IL19: variants seen among roughly 807,000 people sequenced by gnomAD.
IL19 encodes the protein interleukin 19, also known as interleukin-19.
A neutral mutation model predicts 19.5 loss-of-function variants in IL19; 15 were observed. The observed-to-expected ratio is 0.77, with a 90% CI of 0.52 to 1.19. The LOEUF is 1.19. IL19 is among the 50% of genes most tolerant of loss of function. The pLI, the probability that IL19 is intolerant of heterozygous loss-of-function variation, is 0.00. For missense variants in IL19, 199 were observed against 213.1 expected, an observed-to-expected ratio of 0.93 and a Z score of 0.41; for synonymous variants, 78 against 78.3, an observed-to-expected ratio of 1.00 and a Z score of 0.02.
At chr1:206,837,440 T>C (rs958711190) in intron 4 of IL19, among the ~76,000 whole-genome samples, 12 of 151,956 alleles carry the variant, frequency 7.9e-5, no homozygotes, top group Non-Finnish European at 1.8e-4. Flanking sequence ...GACATAGAGG[T>C]GACCAGGTTT....
chr1:206,778,084 G>A (rs1329098754), intron 1 of IL19, among the ~76,000 whole-genome samples: 1 of 152,210 alleles, frequency 6.6e-6, no homozygotes, highest in African/African-American at 2.4e-5. Flanking sequence ...AGAGGAGCCC[G>A]GGCTGGGGCT....
intron 1 of IL19, 76 bp downstream of exon 1, chr1:206,771,154 C>A: frequency 2.8e-6 from 4 of 1,410,790 alleles, no homozygotes; most frequent in Non-Finnish European, 3.0e-6. Context: ...TTGGTTCTAG[C>A]GATCCTCCTT....
In IL19 at chr1:206,812,927, A is replaced by C. The variant is rs191121877; in HGVS notation, c.-3+13921A>C. Among the ~76,000 whole-genome samples the C allele has an allele frequency of 1.4e-4, 22 of 152,308 alleles. No homozygotes were observed. The East Asian group carries it at 4.0e-3, about 28-fold the overall frequency. ...CATATTCAGATGGGACTGTGACTGA[A>C]TTTGAGAAGTAATTCAAACGGATAC... On this transcript the variant is annotated intron_variant, in intron 2 of 6. Transcript: ENST00000659997.
intron 1 of IL19, among the ~76,000 whole-genome samples, chr1:206,771,998 G>C (rs1295251175): frequency 6.6e-6 from 1 of 152,216 alleles, no homozygotes; most frequent in East Asian, 1.9e-4. Flanking sequence ...ATAAAGTATA[G>C]AGCGCCAGCA....
At chr1:206,812,438 A>G (rs1676038744) in intron 2 of IL19, among the ~76,000 whole-genome samples, 1 of 152,210 alleles carries the variant, frequency 6.6e-6, no homozygotes, top group Non-Finnish European at 1.5e-5. Context: ...TGCCAAACCA[A>G]CAGGCTAAGA....
intron 2 of IL19, 39 bp from the exon 3 acceptor site, chr1:206,836,622 A>G (rs1403491730): frequency 3.2e-6 from 5 of 1,563,592 alleles, no homozygotes; most frequent in Admixed American, 2.0e-5. Flanking sequence ...ATTGCCCTCC[A>G]CTCTTGGCTG....
At chr1:206,777,230 C>CAAA (rs750939092) in intron 1 of IL19, among the ~76,000 whole-genome samples, 1 of 6,170 alleles carries the variant, frequency 1.6e-4, no homozygotes, top group African/African-American at 5.2e-4. Flanking sequence ...GACTCCGTCT[C>CAAA]AAAAAAAAAA....
At chr1:206,782,437 C>T (rs542663417) in intron 1 of IL19, among the ~76,000 whole-genome samples, 6 of 152,294 alleles carry the variant, frequency 3.9e-5, no homozygotes, top group African/African-American at 9.6e-5. Context: ...ACAGAAATCT[C>T]TGGGTGAGGA....
chr1:206,776,909 CAAAAAAA>C lies in IL19; in HGVS notation c.-149+5851_-149+5857del, dbSNP rs1186364224. Among the ~76,000 whole-genome samples, 11 of 50,472 alleles carry C rather than the reference CAAAAAAA, an allele frequency of 2.2e-4. No individual in the cohort carries two copies. In the East Asian group the frequency reaches 4.9e-3, roughly 22 times the overall value. 33.1% of individuals were successfully genotyped at this position (50,472 alleles called of 152,430 possible). ...TTCACTGTATTAAATCTTGCAACTA[CAAAAAAA>C]AAAAAAAAAAAAAAAAAAAGAATCT... On this transcript the variant is annotated intron_variant, in intron 1 of 6. Transcript: ENST00000659997.
At chr1:206,829,474 G>A (rs1572570948) in intron 2 of IL19, among the ~76,000 whole-genome samples, 1 of 152,280 alleles carries the variant, frequency 6.6e-6, no homozygotes, top group East Asian at 1.9e-4. Flanking sequence ...CAAGGTAGGT[G>A]AGGCAGCGGG....
chr1:206,799,190 G>C lies in IL19; in HGVS notation c.-3+184G>C, dbSNP rs143487947. ...TGGCCAGGTTTAGGGGAGAAGGGGG[G>C]GTCACCATACTGGAGATGCTGAGGG... is the stretch of plus-strand genomic sequence containing the variant. On this transcript the variant is annotated intron_variant, in intron 2 of 6. Transcript: ENST00000659997. Among the ~76,000 whole-genome samples the C allele has an allele frequency of 3.8e-4, 58 of 152,212 alleles. 1 individual carries two copies. In the South Asian group the frequency reaches 9.3e-3, roughly 25 times the overall value.
intron 2 of IL19, among the ~76,000 whole-genome samples, chr1:206,806,351 T>A (rs1197390383): frequency 1.3e-5 from 2 of 152,068 alleles, no homozygotes; most frequent in Non-Finnish European, 2.9e-5. Context: ...CATTGGCAGA[T>A]AGAAAAGAGC....
chr1:206,810,861 A>G (rs534549099), intron 2 of IL19, among the ~76,000 whole-genome samples: 1 of 152,140 alleles, frequency 6.6e-6, no homozygotes, highest in South Asian at 2.1e-4. Context: ...GTGAGTTCTC[A>G]CTCTATTTGT....
intron 2 of IL19, among the ~76,000 whole-genome samples, chr1:206,807,654 G>T (rs953423130): frequency 1.3e-5 from 2 of 152,110 alleles, no homozygotes; most frequent in Non-Finnish European, 2.9e-5. Flanking sequence ...ATCACAAATT[G>T]TAGCTATATA....
chr1:206,836,971 C>T lies in IL19; in HGVS notation c.158C>T (p.Thr53Ile), dbSNP rs768824076. 12 of 1,613,680 alleles carry T rather than the reference C, an allele frequency of 7.4e-6. No individual in the cohort carries two copies. Among genetic ancestry groups the T allele is most frequent in the Admixed American group, 1.7e-5 (1 of 60,004 alleles). The change falls in exon 4 of 7, where the codon ACC becomes ATC. Residue 53 changes from threonine to isoleucine, a missense_variant. Thr to Ile is a moderately conservative substitution (Grantham distance 89). Coordinates refer to ENST00000659997, the MANE Select transcript of IL19 (RefSeq NM_153758.5). ...TTCCCTCCACAGCAAGCTAAGGACA[C>T]CTTCCCAAATGTCACTATCCTGTCC... The part of the protein sequence containing the change: ...EIKRAIQAKD[T>I]FPNVTILSTL...
intron 1 of IL19, among the ~76,000 whole-genome samples, chr1:206,773,478 GGAAAA>G (rs1217663688): frequency 1.3e-5 from 2 of 152,130 alleles, no homozygotes; most frequent in Non-Finnish European, 2.9e-5. Flanking sequence ...GAAATAACAA[GGAAAA>G]GAAGTCAGGA....
chr1:206,824,832 G>T (rs1045905368), intron 2 of IL19, among the ~76,000 whole-genome samples: 4 of 152,112 alleles, frequency 2.6e-5, no homozygotes, highest in Admixed American at 1.3e-4. Flanking sequence ...GCACGATCTC[G>T]GCTCACTGCA....
intron 2 of IL19, among the ~76,000 whole-genome samples, chr1:206,826,381 C>T (rs1676433562): frequency 6.6e-6 from 1 of 152,188 alleles, no homozygotes; most frequent in Non-Finnish European, 1.5e-5. Context: ...ACACCGCTGG[C>T]TTTCTGAAAG....
intron 6 of IL19, among the ~76,000 whole-genome samples, chr1:206,842,120 A>G (rs1013909844): frequency 2.0e-5 from 3 of 152,184 alleles, no homozygotes; most frequent in Non-Finnish European, 4.4e-5. Flanking sequence ...TGAGGACAAC[A>G]TGCTCTCCCT....
Sources: allele counts gnomAD v4.1 joint callset (sites outside exome capture counted in the v4.1 genomes callset), GRCh38; gene constraint gnomAD v4.1.1; transcripts MANE v1.5; gene names NCBI Gene and HGNC (gene_info 2026-07-23, HGNC 2026-07-21).